The following ICA1 variants were observed in gnomAD, a reference collection of about 807,000 sequenced individuals.
ICA1 encodes islet cell autoantigen 1, also known as 69 kDa islet cell autoantigen.
In ICA1, 40 loss-of-function variants were observed where a neutral mutation model predicts 71.0. The ratio of observed to expected loss-of-function variants is 0.56; its 90% confidence interval spans 0.44 to 0.73. The LOEUF (loss-of-function observed/expected upper bound fraction) is 0.73. Among genes scored for constraint, ICA1 ranks in the 30% least tolerant of loss-of-function variants. ICA1 has a pLI of 0.00. For missense variants in ICA1, 578 were observed against 576.5 expected, an observed-to-expected ratio of 1.00 and a Z score of -0.03; for synonymous variants, 207 against 209.5, an observed-to-expected ratio of 0.99 and a Z score of 0.10.
chr7:8,232,836 A>C lies in ICA1; in HGVS notation c.18-81T>G, dbSNP rs972573939. On this transcript the variant is annotated intron_variant, in intron 2 of 13. Transcript: ENST00000402384. ...TTAGTGTGAAATGATTTCTTTAAAC[A>C]TGACTTTCCATTATGCATTTACATT... 4.9e-6 allele frequency: 6 copies of C among 1,214,356 alleles called. No individual in the cohort carries two copies. In the African/African-American group the frequency reaches 9.3e-5, roughly 19 times the overall value. 75.2% of individuals were successfully genotyped at this position (1,214,356 alleles called of 1,614,324 possible).
Position 8,123,382 on chromosome 7 carries a change from G to A in ICA1, c.1330+4491C>T, listed in dbSNP as rs529456302. On this transcript the variant is annotated intron_variant, in intron 13 of 13. Transcript: ENST00000402384. The surrounding 1 kb of genome is among the most constrained non-coding windows in gnomAD (Gnocchi z 4.1). ...AGGAGGAAACTGAAGAGATGAAGGC[G>A]GAAGAGGAGGGGGAAATGTGGATTG... Among the ~76,000 whole-genome samples the A allele has an allele frequency of 6.6e-5, 10 of 152,228 alleles. No individual in the cohort carries two copies. The highest frequency in any genetic ancestry group is 4.2e-4 in the South Asian group (2 of 4,816).
At chr7:8,176,119 T>C (rs1780554078) in intron 6 of ICA1, among the ~76,000 whole-genome samples, 1 of 152,174 alleles carries the variant, frequency 6.6e-6, no homozygotes, top group African/African-American at 2.4e-5. Context: ...AGGACTGGGG[T>C]TGGATGTTGT....
chr7:8,243,384 T>G (rs973084739), intron 1 of ICA1, among the ~76,000 whole-genome samples: 3 of 152,156 alleles, frequency 2.0e-5, no homozygotes, highest in African/African-American at 7.2e-5. Flanking sequence ...TGCTAAAAAC[T>G]CTCAATAAAC....
chr7:8,121,721 T>C (rs1219033882), intron 13 of ICA1, among the ~76,000 whole-genome samples: 3 of 152,152 alleles, frequency 2.0e-5, no homozygotes, highest in African/African-American at 7.2e-5. Flanking sequence ...TCAACAATAA[T>C]TTACAGTACA....
Position 8,135,700 on chromosome 7 carries a change from T to C in ICA1, c.1060+3140A>G, listed in dbSNP as rs566199325. ...CTATTATTCTGACATGTGACCACAA[T>C]TTAGAATCACAAGTCTAGAAGTAGT... On this transcript the variant is annotated intron_variant, in intron 12 of 13. Coordinates refer to ENST00000402384, the MANE Select transcript of ICA1 (RefSeq NM_001136020.3). 2.0e-4 allele frequency among the ~76,000 whole-genome samples: 31 copies of C among 152,306 alleles called. No homozygotes were observed. In the East Asian group the frequency reaches 4.2e-3, roughly 21 times the overall value.
At chr7:8,193,064 A>G (rs1434577444) in intron 6 of ICA1, among the ~76,000 whole-genome samples, 1 of 152,224 alleles carries the variant, frequency 6.6e-6, no homozygotes. Flanking sequence ...TCTGGTTTCT[A>G]GATATGCTCA....
intron 2 of ICA1, among the ~76,000 whole-genome samples, chr7:8,233,451 T>C (rs1489720383): frequency 6.6e-6 from 1 of 151,334 alleles, no homozygotes; most frequent in Admixed American, 6.6e-5. Flanking sequence ...TGGAGTGCAG[T>C]GGCGTGATCT....
intron 2 of ICA1, 103 bp from the exon 3 acceptor site, chr7:8,232,858 C>T: frequency 2.1e-6 from 2 of 966,056 alleles, no homozygotes; most frequent in Non-Finnish European, 2.9e-6. Context: ...TATGCATTTA[C>T]ATTTACAACA....
At chr7:8,135,676 T>C (rs965936168) in intron 12 of ICA1, among the ~76,000 whole-genome samples, 1 of 152,196 alleles carries the variant, frequency 6.6e-6, no homozygotes, top group African/African-American at 2.4e-5. Flanking sequence ...CTGAATGAGC[T>C]ATTATTCTGA....
Position 8,158,392 on chromosome 7 carries a change from T to G in ICA1, c.705+135A>C. 3 of 1,034,792 alleles carry G rather than the reference T, an allele frequency of 2.9e-6. No individual in the cohort carries two copies. In the East Asian group the frequency reaches 7.3e-5, roughly 25 times the overall value. The allele number at this position is 1,034,792 out of a possible 1,614,324, so 64.1% of individuals were successfully genotyped here. Reference sequence around the variant, plus strand: ...AACGTAGGGCCCTAGAAGGCAGAGATGTGGGAAGTGAAATTACGGAAAGGC... The same window carrying G: ...AACGTAGGGCCCTAGAAGGCAGAGAGGTGGGAAGTGAAATTACGGAAAGGC... On this transcript the variant is annotated intron_variant, in intron 7 of 13. Coordinates refer to ENST00000402384, the MANE Select transcript of ICA1 (RefSeq NM_001136020.3).
chr7:8,162,519 A>G (rs1195845681), intron 6 of ICA1, among the ~76,000 whole-genome samples: 1 of 152,236 alleles, frequency 6.6e-6, no homozygotes, highest in African/African-American at 2.4e-5. Context: ...GACATAGCCA[A>G]GCATAGGCCA....
chr7:8,206,749 A>AG (rs1344030989), intron 6 of ICA1, among the ~76,000 whole-genome samples: 3 of 151,148 alleles, frequency 2.0e-5, no homozygotes, highest in African/African-American at 7.3e-5. Flanking sequence ...AAAAAAAAAA[A>AG]AAAAAAGAAA....
At chr7:8,175,582 T>C (rs1194083825) in intron 6 of ICA1, among the ~76,000 whole-genome samples, 1 of 152,192 alleles carries the variant, frequency 6.6e-6, no homozygotes, top group African/African-American at 2.4e-5. Context: ...TTCAACTGAT[T>C]TATAAAAACA....
chr7:8,133,846 C>CTTTT (rs57086182), intron 12 of ICA1, among the ~76,000 whole-genome samples: 4 of 118,888 alleles, frequency 3.4e-5, no homozygotes, highest in South Asian at 5.4e-4. Flanking sequence ...AAAAATCATA[C>CTTTT]TTTTTTTTTT....
intron 1 of ICA1, among the ~76,000 whole-genome samples, chr7:8,245,562 A>G (rs957339138): frequency 2.0e-5 from 3 of 152,164 alleles, no homozygotes; most frequent in Non-Finnish European, 2.9e-5. Flanking sequence ...GTATAATAAT[A>G]ATAATTAAAA....
At chr7:8,148,264 G>C (rs1797717875) in intron 8 of ICA1, among the ~76,000 whole-genome samples, 3 of 152,196 alleles carry the variant, frequency 2.0e-5, no homozygotes, top group African/African-American at 7.2e-5. Flanking sequence ...ATTTGTGATT[G>C]TGATTGAACT....
At position 8,223,519 on chromosome 7, in the gene ICA1, A is replaced by G. The variant is rs75588090; in HGVS notation, c.257-2121T>C. On this transcript the variant is annotated intron_variant, in intron 4 of 13. Coordinates refer to ENST00000402384, the MANE Select transcript of ICA1 (RefSeq NM_001136020.3). The surrounding 1 kb of genome is among the most constrained non-coding windows in gnomAD (Gnocchi z 4.1). ...GGCAGTGGAAAGAAGTGTGAGCTCC[A>G]TCAGGGTCAAGGTTAGATTTTCTGA... The G allele has an allele frequency of 6.5e-6, 1 of 154,614 alleles. No homozygotes were observed. Among genetic ancestry groups the G allele is most frequent in the Non-Finnish European group, 1.5e-5 (1 of 68,044 alleles). 9.6% of individuals were successfully genotyped at this position (154,614 alleles called of 1,614,324 possible).
Position 8,123,317 on chromosome 7 carries a change from G to A in ICA1, c.1330+4556C>T, listed in dbSNP as rs544051956. On this transcript the variant is annotated intron_variant, in intron 13 of 13. Transcript: ENST00000402384. The surrounding 1 kb of genome is among the most constrained non-coding windows in gnomAD (Gnocchi z 4.1). ...CAGAACGAGGAGAGAGGTGGAAGAA[G>A]AGAGGTACAAAAGCAGGGGAGAATC... 6.6e-6 allele frequency among the ~76,000 whole-genome samples: 1 copy of A among 152,280 alleles called. No homozygotes were observed.
intron 5 of ICA1, among the ~76,000 whole-genome samples, chr7:8,219,200 G>A (rs2128415997): frequency 6.6e-6 from 1 of 152,234 alleles, no homozygotes; most frequent in East Asian, 1.9e-4. Flanking sequence ...AAACATTTAA[G>A]GCATATTAAA....
Sources: gnomAD v4.1 joint callset for allele counts (sites outside exome capture counted in the v4.1 genomes callset) on GRCh38, gnomAD v4.1.1 for gene constraint, Gnocchi (gnomAD v3.1) non-coding constraint, MANE v1.5 for transcripts, NCBI Gene and HGNC (gene_info 2026-07-23, HGNC 2026-07-21) for gene names.